AGBL1: variants seen among roughly 807,000 people sequenced by gnomAD.
AGBL1 encodes AGBL carboxypeptidase 1.
Under a neutral mutation model 118.9 loss-of-function variants are expected in AGBL1, and 130 were observed. That is an observed-to-expected ratio of 1.09 (90% CI 0.95 to 1.26). The LOEUF (loss-of-function observed/expected upper bound fraction) is 1.26. Among genes scored for constraint, AGBL1 ranks in the 50% most tolerant of loss-of-function variants. AGBL1 has a pLI of 0.00. For synonymous variants in AGBL1, 555 were observed against 478.9 expected (o/e 1.16, Z -2.08); for missense variants, 1,584 against 1,298.1 (o/e 1.22, Z -3.38).
intron 22 of AGBL1, among the ~76,000 whole-genome samples, chr15:86,779,520 T>C (rs1008263981): frequency 4.6e-5 from 7 of 152,320 alleles, no homozygotes; most frequent in Admixed American, 2.0e-4. Context: ...TGAACAGTAT[T>C]GTACCTGTCT....
At chr15:86,938,183 C>T (rs974269031) in intron 23 of AGBL1, among the ~76,000 whole-genome samples, 1 of 152,102 alleles carries the variant, frequency 6.6e-6, no homozygotes. Flanking sequence ...AGACTTGCTG[C>T]CCATGGAAGT....
intron 24 of AGBL1, among the ~76,000 whole-genome samples, chr15:86,988,803 G>C (rs1020373055): frequency 3.9e-5 from 6 of 152,094 alleles, no homozygotes; most frequent in Non-Finnish European, 7.3e-5. Flanking sequence ...TTAGTAATTT[G>C]ATTATGGATT....
intron 1 of AGBL1, among the ~76,000 whole-genome samples, chr15:86,132,628 G>T (rs929950886): frequency 6.6e-6 from 1 of 152,166 alleles, no homozygotes; most frequent in Non-Finnish European, 1.5e-5. Context: ...TTTCCAATCA[G>T]CATCATTTAA....
chr15:86,987,152 TTAAA>T (rs2081293293), intron 23 of AGBL1, among the ~76,000 whole-genome samples: 1 of 152,166 alleles, frequency 6.6e-6, no homozygotes. Context: ...AACAGACCAT[TTAAA>T]TATCCCTTCT....
chr15:86,656,482 T>C (rs563282185), intron 21 of AGBL1, among the ~76,000 whole-genome samples: 38 of 152,268 alleles, frequency 2.5e-4, no homozygotes, highest in Admixed American at 2.2e-3. Context: ...TTGTTGAGGT[T>C]CTAATGACAC....
At chr15:86,700,142 G>T (rs1010448872) in intron 22 of AGBL1, among the ~76,000 whole-genome samples, 2 of 151,468 alleles carry the variant, frequency 1.3e-5, no homozygotes, top group African/African-American at 2.4e-5. Flanking sequence ...TTTTATTTAG[G>T]CATATCTCTG....
intron 21 of AGBL1, among the ~76,000 whole-genome samples, chr15:86,640,283 G>A (rs999217102): frequency 6.6e-6 from 1 of 152,098 alleles, no homozygotes; most frequent in Non-Finnish European, 1.5e-5. Flanking sequence ...ATAATAGAGT[G>A]GGAATATCAC....
chr15:86,905,317 C>G (rs1408588606), intron 22 of AGBL1, among the ~76,000 whole-genome samples: 1 of 152,166 alleles, frequency 6.6e-6, no homozygotes, highest in Non-Finnish European at 1.5e-5. Context: ...CCACTGGACC[C>G]TGTAGGCTCT....
chr15:86,208,953 A>G (rs527573540), intron 5 of AGBL1, among the ~76,000 whole-genome samples: 1 of 152,310 alleles, frequency 6.6e-6, no homozygotes, highest in Non-Finnish European at 1.5e-5. Context: ...GTGGGCATTT[A>G]GTGCTACAAA....
chr15:86,312,331 T>C (rs1294198279), intron 17 of AGBL1: 1 of 152,192 alleles, frequency 6.6e-6, no homozygotes, highest in African/African-American at 2.4e-5. Context: ...GACAGGAGAT[T>C]GTCAATAGCA....
intron 24 of AGBL1, among the ~76,000 whole-genome samples, chr15:86,997,061 C>CTT (rs113620923): frequency 6.6e-6 from 1 of 151,984 alleles, no homozygotes; most frequent in African/African-American, 2.4e-5. Flanking sequence ...CATGAATAGC[C>CTT]TTTTTTTCTT....
chr15:86,230,661 C>G (rs2078441266), intron 6 of AGBL1, among the ~76,000 whole-genome samples: 1 of 152,164 alleles, frequency 6.6e-6, no homozygotes, highest in Non-Finnish European at 1.5e-5. Flanking sequence ...TGGAAAACAC[C>G]TTCAAGGCTG....
intron 22 of AGBL1, among the ~76,000 whole-genome samples, chr15:86,772,061 T>G (rs911475513): frequency 6.6e-6 from 1 of 151,938 alleles, no homozygotes; most frequent in African/African-American, 2.4e-5. Flanking sequence ...GATCTGAGAG[T>G]GGAAGTATAA....
intron 17 of AGBL1, among the ~76,000 whole-genome samples, chr15:86,318,872 T>C (rs1417946078): frequency 6.6e-6 from 1 of 152,102 alleles, no homozygotes; most frequent in Non-Finnish European, 1.5e-5. Flanking sequence ...ATATGGTCTG[T>C]GATGTACATT....
intron 21 of AGBL1, among the ~76,000 whole-genome samples, chr15:86,619,583 T>A (rs1178439388): frequency 6.6e-6 from 1 of 152,132 alleles, no homozygotes; most frequent in Non-Finnish European, 1.5e-5. Flanking sequence ...ACGCTGCTGG[T>A]CAGTGCAGTC....
At chr15:86,696,168 G>T (rs1401021417) in intron 22 of AGBL1, among the ~76,000 whole-genome samples, 1 of 151,966 alleles carries the variant, frequency 6.6e-6, no homozygotes, top group African/African-American at 2.4e-5. Context: ...GCCTAGTGCT[G>T]TCAGTGGAGT....
intron 22 of AGBL1, among the ~76,000 whole-genome samples, chr15:86,858,243 G>T (rs2079511502): frequency 6.6e-6 from 1 of 152,282 alleles, no homozygotes; most frequent in South Asian, 2.1e-4. Context: ...TAATTGCTCA[G>T]AAGAAGAAGC....
intron 22 of AGBL1, among the ~76,000 whole-genome samples, chr15:86,820,766 G>A (rs1447656422): frequency 6.6e-6 from 1 of 152,136 alleles, no homozygotes; most frequent in Non-Finnish European, 1.5e-5. Context: ...GTGGAAGACA[G>A]TGTGACAATT....
intron 5 of AGBL1, among the ~76,000 whole-genome samples, chr15:86,204,537 T>TC (rs1412411165): frequency 2.1e-4 from 31 of 149,758 alleles, no homozygotes; most frequent in African/African-American, 7.7e-4. Context: ...CTTCCTTTTT[T>TC]CTCTTCTCTT....
Sources: gnomAD v4.1 joint callset for allele counts (sites outside exome capture counted in the v4.1 genomes callset) on GRCh38, gnomAD v4.1.1 for gene constraint, MANE v1.5 for transcripts, NCBI Gene and HGNC (gene_info 2026-07-23, HGNC 2026-07-21) for gene names.